RIMS1: variants seen among roughly 807,000 people sequenced by gnomAD.
The protein encoded by RIMS1 is regulating synaptic membrane exocytosis protein 1.
A neutral mutation model predicts 214.1 loss-of-function variants in RIMS1; 83 were observed. The observed-to-expected ratio is 0.39, with a 90% CI of 0.32 to 0.47. RIMS1 has a LOEUF of 0.47. RIMS1 is among the 20% of genes least tolerant of loss of function. RIMS1 has a pLI of 0.99. For synonymous variants in RIMS1, 793 were observed against 786.8 expected (o/e 1.01, Z -0.13); for missense variants, 2,050 against 2,161.8 (o/e 0.95, Z 1.03).
intron 2 of RIMS1, among the ~76,000 whole-genome samples, chr6:72,090,546 C>A (rs55897847): frequency 0.35 from 52,367 of 151,456 alleles, 10,252 homozygotes; most frequent in South Asian, 0.47. Flanking sequence ...ATTTTGCAAA[C>A]TTTTATAGCT....
intron 2 of RIMS1, among the ~76,000 whole-genome samples, chr6:72,024,383 G>A (rs1471307560): frequency 3.3e-5 from 5 of 152,020 alleles, no homozygotes; most frequent in African/African-American, 4.8e-5. Flanking sequence ...TCATCTCTTA[G>A]TCTTAGTCTC....
intron 2 of RIMS1, among the ~76,000 whole-genome samples, chr6:72,060,085 T>C (rs1051543723): frequency 6.6e-6 from 1 of 151,916 alleles, no homozygotes; most frequent in Non-Finnish European, 1.5e-5. Flanking sequence ...ATTACAGGGA[T>C]GCACCACCAC....
rs541542762 is a variant in RIMS1 at position 72,126,109 on chromosome 6, G to A, written c.471+26123G>A. Among the ~76,000 whole-genome samples the A allele has an allele frequency of 2.6e-5, 4 of 152,136 alleles. No homozygotes were observed. The East Asian group carries it at 5.8e-4, about 22-fold the overall frequency. On this transcript the variant is annotated intron_variant, in intron 4 of 33. Transcript: ENST00000521978. Reference sequence around the variant, plus strand: ...CTGCAGACCAGAGTTGTTCCTATTCGGCCATCTTGGAACTCCTCAGCCAAC... The same window carrying A: ...CTGCAGACCAGAGTTGTTCCTATTCAGCCATCTTGGAACTCCTCAGCCAAC...
intron 6 of RIMS1, among the ~76,000 whole-genome samples, chr6:72,189,567 G>T (rs1188963816): frequency 6.6e-6 from 1 of 152,216 alleles, no homozygotes; most frequent in Non-Finnish European, 1.5e-5. Context: ...GATGGAAGAG[G>T]TCGAGTGTAA....
chr6:72,222,007 CTT>C (rs2058614060), intron 6 of RIMS1, among the ~76,000 whole-genome samples: 1 of 151,846 alleles, frequency 6.6e-6, no homozygotes, highest in Non-Finnish European at 1.5e-5. Context: ...TATTTACTGT[CTT>C]TGTGAGTGAT....
At chr6:71,955,171 CA>C (rs896657653) in intron 1 of RIMS1, among the ~76,000 whole-genome samples, 6 of 151,696 alleles carry the variant, frequency 4.0e-5, no homozygotes, top group Non-Finnish European at 5.9e-5. Context: ...ATTCTATGGA[CA>C]TTTTTTTTTT....
At chr6:72,058,392 A>C (rs1368703713) in intron 2 of RIMS1, among the ~76,000 whole-genome samples, 1 of 152,226 alleles carries the variant, frequency 6.6e-6, no homozygotes, top group Non-Finnish European at 1.5e-5. Context: ...AATACCCAGA[A>C]ACTGATAAAC....
At chr6:72,187,003 C>T (rs1384655096) in intron 6 of RIMS1, among the ~76,000 whole-genome samples, 2 of 151,996 alleles carry the variant, frequency 1.3e-5, no homozygotes, top group Non-Finnish European at 2.9e-5. Context: ...TGGTGGCATG[C>T]GCCTGTAGGC....
At chr6:72,006,836 C>A (rs985023292) in intron 2 of RIMS1, among the ~76,000 whole-genome samples, 1 of 152,220 alleles carries the variant, frequency 6.6e-6, no homozygotes, top group African/African-American at 2.4e-5. Flanking sequence ...GAAGCTCGAA[C>A]TTGGTGGAGC....
rs1174095613 is a variant in RIMS1, at chr6:72,381,248, A to C, written c.4367-9350A>C. ...GTGAGGCCTGATCTCCAGCTCTTAT[A>C]AGAACACCAGTCAAATTGGATTAGG... On this transcript the variant is annotated intron_variant, in intron 29 of 33. Coordinates refer to ENST00000521978, the MANE Select transcript of RIMS1 (RefSeq NM_014989.7). 2.6e-5 allele frequency among the ~76,000 whole-genome samples: 4 copies of C among 152,122 alleles called. No homozygotes were observed. In the Middle Eastern group the frequency reaches 0.01, roughly 388 times the overall value.
intron 2 of RIMS1, among the ~76,000 whole-genome samples, chr6:72,026,371 T>C (rs1816472295): frequency 6.6e-6 from 1 of 151,836 alleles, no homozygotes; most frequent in African/African-American, 2.4e-5. Context: ...TTCTTTATTG[T>C]CAATTGAACA....
intron 1 of RIMS1, among the ~76,000 whole-genome samples, chr6:71,962,625 G>A (rs1033743424): frequency 6.6e-6 from 1 of 151,968 alleles, no homozygotes; most frequent in African/African-American, 2.4e-5. Flanking sequence ...CAGTCATCAC[G>A]TTCATTTGTT....
At chr6:72,092,849 C>T (rs893902391) in intron 2 of RIMS1, among the ~76,000 whole-genome samples, 4 of 152,032 alleles carry the variant, frequency 2.6e-5, no homozygotes, top group South Asian at 4.2e-4. Context: ...GAGATCTCAC[C>T]GTCATACCTC....
At chr6:72,082,333 A>G (rs1186200879) in intron 2 of RIMS1, among the ~76,000 whole-genome samples, 1 of 152,202 alleles carries the variant, frequency 6.6e-6, no homozygotes, top group African/African-American at 2.4e-5. Flanking sequence ...CTAATATTTT[A>G]CTGAGTACTT....
intron 2 of RIMS1, among the ~76,000 whole-genome samples, chr6:72,090,035 G>A: frequency 8.9e-6 from 1 of 112,850 alleles, no homozygotes; most frequent in Non-Finnish European, 1.7e-5. Context: ...TGGGGGGAGG[G>A]GGGAGGGATA....
intron 2 of RIMS1, among the ~76,000 whole-genome samples, chr6:72,046,223 G>A (rs1243592449): frequency 1.3e-5 from 2 of 151,880 alleles, no homozygotes; most frequent in East Asian, 1.9e-4. Flanking sequence ...TTCTATTTAC[G>A]TAACCCTCTG....
At chr6:72,008,394 G>T (rs549207665) in intron 2 of RIMS1, among the ~76,000 whole-genome samples, 4 of 152,108 alleles carry the variant, frequency 2.6e-5, no homozygotes, top group Non-Finnish European at 5.9e-5. Flanking sequence ...GACCGTCGAG[G>T]CTAGGAAGAA....
chr6:72,191,519 A>G (rs1181344288), intron 6 of RIMS1, among the ~76,000 whole-genome samples: 2 of 152,262 alleles, frequency 1.3e-5, no homozygotes, highest in African/African-American at 2.4e-5. Context: ...GATACCTTGT[A>G]GAAGGGAAAA....
chr6:72,187,779 A>G (rs1378394904), intron 6 of RIMS1, among the ~76,000 whole-genome samples: 3 of 152,178 alleles, frequency 2.0e-5, no homozygotes, highest in African/African-American at 7.2e-5. Context: ...GGTGGGAGCC[A>G]TCGCGCCCAG....
Sources: allele counts gnomAD v4.1 joint callset (sites outside exome capture counted in the v4.1 genomes callset), GRCh38; gene constraint gnomAD v4.1.1; transcripts MANE v1.5; gene names NCBI Gene and HGNC (gene_info 2026-07-23, HGNC 2026-07-21).